The following GAK variants were observed in gnomAD, a reference collection of about 807,000 sequenced individuals.
GAK encodes cyclin G associated kinase.
GAK carries 79 observed loss-of-function variants against 143.9 expected under a neutral mutation model. The ratio of observed to expected loss-of-function variants is 0.55; its 90% CI spans 0.46 to 0.66. The LOEUF is 0.66. Among genes scored for constraint, GAK ranks in the 30% least tolerant of loss-of-function variants. The pLI is 0.00. For missense variants in GAK, 1,693 were observed against 1,779.7 expected, an observed-to-expected ratio of 0.95 and a Z score of 0.88; for synonymous variants, 881 against 765.5, an observed-to-expected ratio of 1.15 and a Z score of -2.49.
In GAK at chr4:862,323, C is replaced by T. The variant is rs112071983; in HGVS notation, c.3167-2601G>A. 1.2e-4 allele frequency among the ~76,000 whole-genome samples: 19 copies of T among 152,116 alleles called. No homozygotes were observed. In the South Asian group the frequency reaches 1.9e-3, roughly 15 times the overall value. ...AGACCACTGATGAAGCGGCTGCACC[C>T]GCCAGACTCTCCATGCAGATATAAG... is the stretch of plus-strand genomic sequence containing the variant. On this transcript the variant is annotated intron_variant, in intron 23 of 27. Transcript: ENST00000314167.
At chr4:856,031 G>A (rs894154143) in intron 24 of GAK, among the ~76,000 whole-genome samples, 6 of 152,224 alleles carry the variant, frequency 3.9e-5, no homozygotes, top group African/African-American at 1.4e-4. Flanking sequence ...CCAGACTGGA[G>A]TGCAGTGATG....
At chr4:896,395 C>T (rs1718779230) in intron 7 of GAK, 65 bp downstream of exon 7, 8 of 1,312,976 alleles carry the variant, frequency 6.1e-6, no homozygotes, top group Non-Finnish European at 7.5e-6. Flanking sequence ...GCCCGGCCCA[C>T]GCCGCCTCAG....
chr4:868,854 C>T (rs1433177261), intron 19 of GAK, 169 bp from the exon 20 acceptor site: 1 of 660,920 alleles, frequency 1.5e-6, no homozygotes, highest in Non-Finnish European at 2.5e-6. Flanking sequence ...GAACAGATTC[C>T]TGCTATCCAC....
intron 1 of GAK, among the ~76,000 whole-genome samples, chr4:928,515 G>A (rs1725194355): frequency 6.6e-6 from 1 of 152,216 alleles, no homozygotes; most frequent in Admixed American, 6.5e-5. Context: ...GGGCGACAGA[G>A]CCAGACTCTT....
At chr4:910,438 C>T (rs560733354) in intron 4 of GAK, among the ~76,000 whole-genome samples, 8 of 151,708 alleles carry the variant, frequency 5.3e-5, no homozygotes, top group Admixed American at 1.3e-4. Context: ...GCCCCTTCCA[C>T]GACGCTCAGG....
intron 4 of GAK, 62 bp downstream of exon 4, chr4:911,611 G>A: frequency 9.0e-7 from 1 of 1,115,902 alleles, no homozygotes; most frequent in African/African-American, 1.5e-5. Flanking sequence ...GCTGGGTTAG[G>A]AGGCATCAAG....
intron 23 of GAK, among the ~76,000 whole-genome samples, chr4:862,470 C>G: frequency 6.6e-6 from 1 of 152,098 alleles, no homozygotes; most frequent in Non-Finnish European, 1.5e-5. Flanking sequence ...ACCATCCTGG[C>G]TAACACAGTG....
chr4:911,096 C>A (rs1721975874), intron 4 of GAK, among the ~76,000 whole-genome samples: 1 of 152,156 alleles, frequency 6.6e-6, no homozygotes, highest in African/African-American at 2.4e-5. Context: ...CTCTTCCTGT[C>A]CTGACAAACG....
intron 8 of GAK, 146 bp downstream of exon 8, chr4:893,725 ACCC>A: frequency 8.1e-6 from 7 of 860,200 alleles, no homozygotes; most frequent in East Asian, 3.2e-5. Flanking sequence ...CTCTCTGGAA[ACCC>A]CCCCCCCAGG....
intron 25 of GAK, chr4:851,388 G>A (rs899856664): frequency 2.1e-6 from 1 of 467,272 alleles, no homozygotes; most frequent in Admixed American, 3.7e-5. Flanking sequence ...GAGCCACAAA[G>A]CCCAGTTAAG....
intron 24 of GAK, among the ~76,000 whole-genome samples, chr4:857,438 G>C (rs555479453): frequency 6.6e-6 from 1 of 152,076 alleles, no homozygotes; most frequent in Non-Finnish European, 1.5e-5. Flanking sequence ...AGGTGGGTCC[G>C]CAGGTTTCCT....
intron 1 of GAK, among the ~76,000 whole-genome samples, chr4:914,625 C>CAA (rs1722743263): frequency 9.1e-6 from 1 of 109,582 alleles, no homozygotes; most frequent in Non-Finnish European, 1.9e-5. Flanking sequence ...ACACGGCCCC[C>CAA]CGCACTCAGC....
At chr4:865,347 T>C (rs1750982172) in intron 22 of GAK, 103 bp from the exon 23 acceptor site, 4 of 1,453,390 alleles carry the variant, frequency 2.8e-6, no homozygotes, top group Non-Finnish European at 3.8e-6. Flanking sequence ...CGGACACCTC[T>C]TGCACCCAGG....
At chr4:920,585 C>T (rs1391951357) in intron 1 of GAK, among the ~76,000 whole-genome samples, 5 of 141,876 alleles carry the variant, frequency 3.5e-5, no homozygotes, top group Non-Finnish European at 6.0e-5. Context: ...GGTCTGTTGC[C>T]CAGGCTGCGG....
At position 877,639 on chromosome 4, in the gene GAK, G is replaced by A. The variant is rs1714228441; in HGVS notation, c.1832C>T (p.Thr611Ile). Residue 611 changes from threonine (T) to isoleucine (I), a missense_variant, in exon 16 of 28, where the codon ACC (threonine) becomes ATC (isoleucine). Physicochemically the swap from Thr to Ile is moderately conservative, Grantham distance 89. Transcript: ENST00000314167. ...CCGCATCTTGTCGTACTCCTGGGAG[G>A]TGCTGGCCACACGCTCGTCCCCCAC... The part of the protein sequence containing the change: ...VYVGDERVAS[T>I]SQEYDKMRDF... 1.2e-6 allele frequency: 2 copies of A among 1,600,764 alleles called. No individual in the cohort carries two copies. Among genetic ancestry groups the A allele is most frequent in the Non-Finnish European group, 1.7e-6 (2 of 1,172,416 alleles).
intron 25 of GAK, 200 bp from the exon 26 acceptor site, chr4:851,284 G>A: frequency 4.1e-6 from 2 of 490,328 alleles, no homozygotes; most frequent in South Asian, 2.2e-5. Context: ...TTTTTGTAGA[G>A]AGGAGGTATC....
intron 18 of GAK, among the ~76,000 whole-genome samples, chr4:875,328 A>G (rs772922191): frequency 6.6e-6 from 1 of 152,278 alleles, no homozygotes; most frequent in African/African-American, 2.4e-5. Flanking sequence ...AGCGTAAGAC[A>G]CAACAAAGAC....
chr4:884,327 G>A (rs934088862), intron 11 of GAK: 18 of 527,110 alleles, frequency 3.4e-5, no homozygotes, highest in African/African-American at 3.3e-4. Context: ...GTGGAGGCAT[G>A]GGTGAGACAG....
At position 932,134 on chromosome 4, in the gene GAK, G is replaced by C; in HGVS notation, c.54C>G (p.Gly18=). 1 of 1,585,978 alleles carries C rather than the reference G, an allele frequency of 6.3e-7. No homozygotes were observed. The highest frequency in any genetic ancestry group is 8.6e-7 in the Non-Finnish European group (1 of 1,166,628). Residue 18 remains glycine, a synonymous_variant, in exon 1 of 28, where the codon GGC becomes GGG. Transcript: ENST00000314167. This position sits in a 1 kb window ranked among gnomAD's most constrained non-coding sequence, Gnocchi z 4.0. Reference sequence around the variant, plus strand: ...CACTCTGGTCGCGGCCGGAAGCACCGCCCAGGGAGCCTGGACCCGCCAAGA... The same window carrying C: ...CACTCTGGTCGCGGCCGGAAGCACCCCCCAGGGAGCCTGGACCCGCCAAGA... ...LDFLAGPGSL[G]GASGRDQSDF... is the part of the protein sequence containing the mutation.
Sources: allele counts gnomAD v4.1 joint callset (sites outside exome capture counted in the v4.1 genomes callset), GRCh38; gene constraint gnomAD v4.1.1; non-coding constraint Gnocchi (gnomAD v3.1); transcripts MANE v1.5; gene names NCBI Gene and HGNC (gene_info 2026-07-23, HGNC 2026-07-21).